ZNF521: variants seen among roughly 807,000 people sequenced by gnomAD.
ZNF521 encodes LYST-interacting protein 3.
A neutral mutation model predicts 105.5 loss-of-function variants in ZNF521; 14 were observed. The observed-to-expected ratio is 0.13, with a 90% CI of 0.09 to 0.21. The LOEUF (loss-of-function observed/expected upper bound fraction) is 0.21, where lower values mean the gene tolerates loss of function less well. Among genes scored for constraint, ZNF521 ranks in the 10% least tolerant of loss-of-function variants. The probability of loss-of-function intolerance (pLI) is 1.00; values close to 1 mark genes in which losing one functional copy is unlikely to be tolerated. For missense variants in ZNF521, 1,233 were observed against 1,629.7 expected (o/e 0.76, Z 4.19); for synonymous variants, 635 against 606.0 (o/e 1.05, Z -0.70).
intron 7 of ZNF521, among the ~76,000 whole-genome samples, chr18:25,075,520 C>T (rs979297933): frequency 6.6e-6 from 1 of 152,224 alleles, no homozygotes. Context: ...AGCGGTTTGG[C>T]GAGCCCAGTC....
At chr18:25,236,580 T>C (rs183857585) in intron 3 of ZNF521, among the ~76,000 whole-genome samples, 3 of 151,996 alleles carry the variant, frequency 2.0e-5, no homozygotes, top group South Asian at 2.1e-4. Context: ...GATGTTGGAC[T>C]ATCTTGAGAC....
At chr18:25,209,298 A>G (rs1473875034) in intron 4 of ZNF521, among the ~76,000 whole-genome samples, 1 of 151,812 alleles carries the variant, frequency 6.6e-6, no homozygotes, top group African/African-American at 2.4e-5. Flanking sequence ...CACCTGGCTA[A>G]TTTTTGTATT....
chr18:25,080,370 C>A lies in ZNF521; in HGVS notation c.3906+9095G>T, dbSNP rs531504946. Among the ~76,000 whole-genome samples the A allele has an allele frequency of 7.2e-5, 11 of 152,332 alleles. No homozygotes were observed. In the South Asian group the frequency reaches 2.1e-3, roughly 29 times the overall value. ...TTTTAAGCACTATTCATCTCGCCGC[C>A]ACATCTCAGGCTTTTACAGAACACT... On this transcript the variant is annotated intron_variant, in intron 7 of 7. Transcript: ENST00000361524.
chr18:25,278,859 A>G (rs559395138), intron 3 of ZNF521, among the ~76,000 whole-genome samples: 18 of 152,322 alleles, frequency 1.2e-4, no homozygotes, highest in African/African-American at 4.3e-4. Context: ...GCCATAAAAC[A>G]GGTCACTTTT....
chr18:25,256,252 T>C (rs1023411137), intron 3 of ZNF521, among the ~76,000 whole-genome samples: 2 of 151,786 alleles, frequency 1.3e-5, no homozygotes, highest in Non-Finnish European at 2.9e-5. Context: ...TGCCAGGGGC[T>C]GGGGAGAGAC....
rs181229196 is a variant in ZNF521 at position 25,165,106 on chromosome 18, T to C, written c.3658+30054A>G. On this transcript the variant is annotated intron_variant, in intron 5 of 7. Coordinates refer to ENST00000361524, the MANE Select transcript of ZNF521 (RefSeq NM_015461.3). ...TTAACCCCATATGGTTTTTCAGTTG[T>C]ACTGTATTCTATGCTTCTTTTCTTT... Among the ~76,000 whole-genome samples, 30 of 152,360 alleles carry C rather than the reference T, an allele frequency of 2.0e-4. No individual in the cohort carries two copies. In the East Asian group the frequency reaches 5.2e-3, roughly 26 times the overall value.
chr18:25,335,469 C>T (rs1450816379), intron 2 of ZNF521, among the ~76,000 whole-genome samples: 1 of 152,184 alleles, frequency 6.6e-6, no homozygotes, highest in Non-Finnish European at 1.5e-5. Context: ...GCTGACCTTT[C>T]GGGAAACTAA....
intron 3 of ZNF521, among the ~76,000 whole-genome samples, chr18:25,314,009 CATAA>C (rs1199471166): frequency 6.6e-6 from 1 of 151,878 alleles, no homozygotes; most frequent in African/African-American, 2.4e-5. Flanking sequence ...AATATAGAAA[CATAA>C]ATTAATAACA....
At chr18:25,082,169 G>C (rs906093165) in intron 7 of ZNF521, among the ~76,000 whole-genome samples, 1 of 151,934 alleles carries the variant, frequency 6.6e-6, no homozygotes, top group Admixed American at 6.6e-5. Flanking sequence ...AAGAAATGAG[G>C]TGATGTATGA....
intron 7 of ZNF521, among the ~76,000 whole-genome samples, chr18:25,079,138 C>T (rs1389223903): frequency 1.3e-5 from 2 of 152,212 alleles, no homozygotes; most frequent in South Asian, 2.1e-4. Flanking sequence ...TGGGTGGCAT[C>T]GCATGGCAGA....
intron 2 of ZNF521, among the ~76,000 whole-genome samples, chr18:25,344,409 A>T (rs749452422): frequency 2.6e-5 from 4 of 152,210 alleles, no homozygotes; most frequent in Non-Finnish European, 5.9e-5. Context: ...ACACTGTTGC[A>T]GAACATATTT....
At chr18:25,203,117 C>CA (rs2036020274) in intron 4 of ZNF521, among the ~76,000 whole-genome samples, 2 of 152,274 alleles carry the variant, frequency 1.3e-5, no homozygotes, top group South Asian at 4.1e-4. Context: ...ATAAAACACA[C>CA]AAACATTAAA....
intron 2 of ZNF521, among the ~76,000 whole-genome samples, chr18:25,345,002 T>C (rs1411059442): frequency 6.6e-6 from 1 of 152,210 alleles, no homozygotes; most frequent in African/African-American, 2.4e-5. Context: ...AAAACCTCTT[T>C]CTTCTTATTA....
chr18:25,120,595 A>C (rs12965510), intron 5 of ZNF521, among the ~76,000 whole-genome samples: 3,634 of 136,326 alleles, frequency 0.027, 132 homozygotes, highest in African/African-American at 0.075. Flanking sequence ...AAAAAAAAAA[A>C]AAAAAAACCA....
At chr18:25,195,270 T>C in intron 4 of ZNF521, 26 bp from the exon 5 acceptor site, 4 of 1,499,940 alleles carry the variant, frequency 2.7e-6, no homozygotes, top group Non-Finnish European at 3.6e-6. Context: ...TAAACAGAGT[T>C]ACTTAGACAC....
intron 4 of ZNF521, among the ~76,000 whole-genome samples, chr18:25,206,546 C>T (rs1158168353): frequency 6.6e-6 from 1 of 152,076 alleles, no homozygotes; most frequent in Admixed American, 6.6e-5. Context: ...GTCTTACCTA[C>T]AAAATGTGGT....
chr18:25,338,084 C>T (rs567053106), intron 2 of ZNF521, among the ~76,000 whole-genome samples: 2 of 152,118 alleles, frequency 1.3e-5, no homozygotes, highest in African/African-American at 2.4e-5. Flanking sequence ...GGGTACATTA[C>T]CCCAGCTAGC....
chr18:25,274,605 T>C (rs1057067719), intron 3 of ZNF521, among the ~76,000 whole-genome samples: 1 of 152,176 alleles, frequency 6.6e-6, no homozygotes, highest in Non-Finnish European at 1.5e-5. Flanking sequence ...GATAGTCTCA[T>C]TGGAAGGAAA....
chr18:25,256,465 A>G (rs1908512780), intron 3 of ZNF521, among the ~76,000 whole-genome samples: 1 of 152,198 alleles, frequency 6.6e-6, no homozygotes, highest in African/African-American at 2.4e-5. Context: ...TGATGCCAAC[A>G]AAAGCATAAA....
Sources: allele counts gnomAD v4.1 joint callset (sites outside exome capture counted in the v4.1 genomes callset), GRCh38; gene constraint gnomAD v4.1.1; transcripts MANE v1.5; gene names NCBI Gene and HGNC (gene_info 2026-07-23, HGNC 2026-07-21).